The following TCERG1L variants were observed in gnomAD, a reference collection of about 807,000 sequenced individuals.
TCERG1L encodes the protein transcription elongation regulator 1-like protein.
TCERG1L carries 37 observed loss-of-function variants against 56.3 expected under a neutral mutation model. The ratio of observed to expected loss-of-function variants is 0.66; its 90% CI spans 0.51 to 0.87. The LOEUF is 0.87. Among genes scored for constraint, TCERG1L ranks in the 40% least tolerant of loss-of-function variants. The pLI is 0.00. For missense variants in TCERG1L, 799 were observed against 774.2 expected (o/e 1.03, Z -0.38); for synonymous variants, 324 against 326.3 (o/e 0.99, Z 0.08).
At chr10:131,136,870 A>C (rs952550817) in intron 7 of TCERG1L, among the ~76,000 whole-genome samples, 5 of 150,238 alleles carry the variant, frequency 3.3e-5, no homozygotes, top group Non-Finnish European at 5.9e-5. Flanking sequence ...GGGCAGGCAC[A>C]GTGGCTCACG....
rs58892586 is a variant in TCERG1L at position 131,309,834 on chromosome 10, C to CAAAAAAAAAAAAAAAAA, written c.343-552_343-536dup. Among the ~76,000 whole-genome samples, 16 of 49,848 alleles carry CAAAAAAAAAAAAAAAAA rather than the reference C, an allele frequency of 3.2e-4. 1 individual carries two copies. The highest frequency in any genetic ancestry group is 4.2e-4 in the Non-Finnish European group (12 of 28,706). The allele number at this position is 49,848 out of a possible 152,430, so 32.7% of individuals were successfully genotyped here. A position where few individuals can be genotyped will look rare whatever the true frequency, so the allele number is the denominator to read the frequency against. ...TCACCAATACAAATAGATTCTATGG[C>CAAAAAAAAAAAAAAAAA]AAAAAAAAAAAAAAAAAAAAAAAAA... On this transcript the variant is annotated intron_variant, in intron 1 of 11. Coordinates refer to ENST00000368642, the MANE Select transcript of TCERG1L (RefSeq NM_174937.4).
intron 4 of TCERG1L, among the ~76,000 whole-genome samples, chr10:131,169,082 C>T (rs545908042): frequency 1.1e-4 from 16 of 152,268 alleles, no homozygotes; most frequent in East Asian, 1.9e-4. Flanking sequence ...TTAAGATTTC[C>T]GGAACTCTGT....
At position 131,167,405 on chromosome 10, in the gene TCERG1L, C is replaced by T. The variant is rs142072069; in HGVS notation, c.857-520G>A. Among the ~76,000 whole-genome samples, 74 of 152,354 alleles carry T rather than the reference C, an allele frequency of 4.9e-4. 1 individual carries two copies. The South Asian group carries it at 0.013, about 27-fold the overall frequency. ...CTCTCGCATTGTGGGGCCCCCAGTG[C>T]GCTGGGCAGTCAGGAGCCTCCTCCA... On this transcript the variant is annotated intron_variant, in intron 4 of 11. Coordinates refer to ENST00000368642, the MANE Select transcript of TCERG1L (RefSeq NM_174937.4).
intron 3 of TCERG1L, among the ~76,000 whole-genome samples, chr10:131,291,580 A>G (rs1481874900): frequency 1.3e-5 from 2 of 151,028 alleles, no homozygotes; most frequent in South Asian, 4.2e-4. Context: ...GCGCCCGCCA[A>G]CACACCCGGC....
intron 4 of TCERG1L, among the ~76,000 whole-genome samples, chr10:131,237,358 C>T (rs1024017425): frequency 6.6e-5 from 10 of 152,110 alleles, no homozygotes; most frequent in African/African-American, 2.4e-4. Context: ...AACTCACAGA[C>T]CTCATGCCCG....
At chr10:131,266,777 G>A (rs1392961635) in intron 3 of TCERG1L, among the ~76,000 whole-genome samples, 1 of 152,126 alleles carries the variant, frequency 6.6e-6, no homozygotes. Context: ...GCCTTGGAGA[G>A]GGTAGCTCCT....
Position 131,146,505 on chromosome 10 carries a change from C to T in TCERG1L, c.1189+1G>A, listed in dbSNP as rs1354379449. The stretch of plus-strand genomic sequence containing the variant: ...GTGTAAATAACCCAGGGCTTAGTTA[C>T]TTGCTGGTGCCTCCAGCTTGCGTTT... On this transcript the variant is annotated splice_donor_variant, in intron 7 of 11. Coordinates refer to ENST00000368642, the MANE Select transcript of TCERG1L (RefSeq NM_174937.4). LOFTEE classifies it high-confidence loss of function. 2 of 1,607,288 alleles carry T rather than the reference C, an allele frequency of 1.2e-6. No individual in the cohort carries two copies. Among genetic ancestry groups the T allele is most frequent in the East Asian group, 2.2e-5 (1 of 44,746 alleles).
intron 3 of TCERG1L, among the ~76,000 whole-genome samples, chr10:131,304,080 T>C (rs1846795502): frequency 6.6e-6 from 1 of 151,954 alleles, no homozygotes; most frequent in Admixed American, 6.5e-5. Context: ...CAGCCAGTGG[T>C]TTGTTGTGGT....
intron 10 of TCERG1L, among the ~76,000 whole-genome samples, chr10:131,100,642 G>T (rs1387560702): frequency 1.3e-5 from 2 of 152,054 alleles, no homozygotes; most frequent in Non-Finnish European, 2.9e-5. Context: ...ACACTCCCTC[G>T]ACCCTGATTC....
In TCERG1L at chr10:131,293,589, A is replaced by G. The variant is rs189270389; in HGVS notation, c.670+14622T>C. 5.4e-4 allele frequency among the ~76,000 whole-genome samples: 82 copies of G among 151,658 alleles called. 1 individual carries two copies. In the East Asian group the frequency reaches 0.011, roughly 21 times the overall value. ...AGAGACATTCCCACCCCACCATAAA[A>G]CTTCTCCCTCACACAGAAACCTCCC... On this transcript the variant is annotated intron_variant, in intron 3 of 11. Transcript: ENST00000368642.
At chr10:131,111,532 G>A (rs1229192686) in intron 9 of TCERG1L, among the ~76,000 whole-genome samples, 2 of 142,948 alleles carry the variant, frequency 1.4e-5, no homozygotes, top group African/African-American at 4.9e-5. Context: ...AGTGTTAATC[G>A]AATTAGAGGT....
chr10:131,286,711 T>C (rs1405272845), intron 3 of TCERG1L, among the ~76,000 whole-genome samples: 2 of 152,230 alleles, frequency 1.3e-5, no homozygotes, highest in Non-Finnish European at 2.9e-5. Context: ...ACATTTGGGT[T>C]CCACTTGGTA....
At chr10:131,216,827 C>T (rs182224677) in intron 4 of TCERG1L, among the ~76,000 whole-genome samples, 6 of 152,286 alleles carry the variant, frequency 3.9e-5, no homozygotes, top group East Asian at 3.9e-4. Context: ...CCCAGCTGTC[C>T]GCAGAGGGAA....
At chr10:131,264,147 C>A (rs1366546432) in intron 3 of TCERG1L, among the ~76,000 whole-genome samples, 1 of 151,564 alleles carries the variant, frequency 6.6e-6, no homozygotes, top group Non-Finnish European at 1.5e-5. Context: ...TCCTGCCCAG[C>A]CAGAAGCTTC....
chr10:131,121,104 C>G (rs1171516752), intron 8 of TCERG1L, among the ~76,000 whole-genome samples: 1 of 152,194 alleles, frequency 6.6e-6, no homozygotes, highest in Non-Finnish European at 1.5e-5. Flanking sequence ...TCTGCAGAAA[C>G]AGCAGACATT....
chr10:131,142,743 C>G (rs1845752198), intron 7 of TCERG1L, among the ~76,000 whole-genome samples: 1 of 152,182 alleles, frequency 6.6e-6, no homozygotes, highest in Non-Finnish European at 1.5e-5. Flanking sequence ...AGATAAGCTC[C>G]TTTTTAAATT....
intron 4 of TCERG1L, among the ~76,000 whole-genome samples, chr10:131,256,992 GGAAAGAAAGAAAGAAAGAAA>G (rs745516129): frequency 1.7e-3 from 98 of 59,184 alleles, no homozygotes; most frequent in Middle Eastern, 8.3e-3. Flanking sequence ...AAGGAAGGAA[GGAAAGAAAGAAAGAAAGAAA>G]GAAAGAAAGA....
At chr10:131,310,071 G>A (rs1417534099) in intron 1 of TCERG1L, among the ~76,000 whole-genome samples, 1 of 152,090 alleles carries the variant, frequency 6.6e-6, no homozygotes, top group South Asian at 2.1e-4. Context: ...ACATGAAAAT[G>A]TTCTTCTGGT....
At chr10:131,183,943 C>A (rs12240513) in intron 4 of TCERG1L, among the ~76,000 whole-genome samples, 1 of 152,352 alleles carries the variant, frequency 6.6e-6, no homozygotes, top group African/African-American at 2.4e-5. Flanking sequence ...CTCGACTCAC[C>A]TCCTCTGACT....
Sources: gnomAD v4.1 joint callset for allele counts (sites outside exome capture counted in the v4.1 genomes callset) on GRCh38, gnomAD v4.1.1 for gene constraint, MANE v1.5 for transcripts, NCBI Gene and HGNC (gene_info 2026-07-23, HGNC 2026-07-21) for gene names.